IGSF5: variants seen among roughly 807,000 people sequenced by gnomAD.
The protein encoded by IGSF5 is immunoglobulin superfamily 5 like.
A neutral mutation model predicts 39.4 loss-of-function variants in IGSF5; 41 were observed. The observed-to-expected ratio is 1.04, with a 90% confidence interval of 0.81 to 1.35. The LOEUF (loss-of-function observed/expected upper bound fraction) is 1.35. IGSF5 is among the 40% of genes most tolerant of loss of function. IGSF5 has a pLI of 0.00. For missense variants in IGSF5, 487 were observed against 494.6 expected, an observed-to-expected ratio of 0.98 and a Z score of 0.15; for synonymous variants, 183 against 175.3, an observed-to-expected ratio of 1.04 and a Z score of -0.34.
the IGSF5 span, among the ~76,000 whole-genome samples, chr21:39,713,021 CA>C: frequency 1.3e-5 from 2 of 152,180 alleles, no homozygotes; most frequent in Non-Finnish European, 2.9e-5. Context: ...CCTGAATTAT[CA>C]GGGGCTGTAG....
upstream of IGSF5, among the ~76,000 whole-genome samples, chr21:39,742,541 G>T (rs1450614231): frequency 3.3e-5 from 5 of 152,232 alleles, no homozygotes; most frequent in African/African-American, 1.2e-4. Context: ...GGATCATCTG[G>T]TTAGTGTCTT....
the IGSF5 span, among the ~76,000 whole-genome samples, chr21:39,718,904 A>G: frequency 6.6e-6 from 1 of 151,980 alleles, no homozygotes; most frequent in Admixed American, 6.6e-5. Context: ...AATTTTTTGG[A>G]ATAGTTTCTG....
At chr21:39,749,213 GTTTTT>G (rs35333249) in intron 2 of IGSF5, among the ~76,000 whole-genome samples, 1 of 139,042 alleles carries the variant, frequency 7.2e-6, no homozygotes, top group Non-Finnish European at 1.5e-5. Context: ...AGACAAATAG[GTTTTT>G]TTTTTTTTTT....
chr21:39,765,374 A>C (rs895572869), intron 2 of IGSF5, among the ~76,000 whole-genome samples, 161 bp from the exon 3 acceptor site: 1 of 152,162 alleles, frequency 6.6e-6, no homozygotes, highest in Non-Finnish European at 1.5e-5. Context: ...GAAGCACCTG[A>C]TCTGCCAGGG....
intron 4 of IGSF5, among the ~76,000 whole-genome samples, chr21:39,774,107 T>C (rs80224785): frequency 0.086 from 13,161 of 152,232 alleles, 620 homozygotes; most frequent in East Asian, 0.16. Context: ...CTTTATTGGA[T>C]TCATTTGGAA....
intron 8 of IGSF5, among the ~76,000 whole-genome samples, chr21:39,798,359 A>T (rs780491074): frequency 6.6e-6 from 1 of 152,106 alleles, no homozygotes; most frequent in East Asian, 1.9e-4. Context: ...GTGCTTGCCC[A>T]CCTGGAGTGG....
intron 4 of IGSF5, 96 bp downstream of exon 4, chr21:39,771,311 C>A: frequency 8.4e-7 from 1 of 1,193,618 alleles, no homozygotes; most frequent in Non-Finnish European, 1.1e-6. Context: ...CTGGAAAAAT[C>A]ATATGGCGAC....
At chr21:39,732,748 G>A in the IGSF5 span, among the ~76,000 whole-genome samples, 3,016 of 152,254 alleles carry the variant, frequency 0.02, 93 homozygotes, top group African/African-American at 0.068. Flanking sequence ...ATTCCAAGCC[G>A]GGAGTGGTGG....
In IGSF5 at chr21:39,788,163, G is replaced by A; in HGVS notation, c.935-4G>A. 6.3e-7 allele frequency: 1 copy of A among 1,588,740 alleles called. No homozygotes were observed. The highest frequency in any genetic ancestry group is 8.6e-7 in the Non-Finnish European group (1 of 1,162,878). On this transcript the variant is annotated splice_region_variant and splice_polypyrimidine_tract_variant and intron_variant, in intron 5 of 8. Transcript: ENST00000380588. ...TTCCAATGTAATTTTGTTCTTTTTT[G>A]CAGGATTTCGTATTCAATTTCAAAA...
At chr21:39,767,823 T>G (rs994139723) in intron 3 of IGSF5, among the ~76,000 whole-genome samples, 2 of 152,092 alleles carry the variant, frequency 1.3e-5, no homozygotes, top group Non-Finnish European at 2.9e-5. Flanking sequence ...ACAGAGTCAA[T>G]AAAGCCTTCA....
the IGSF5 span, among the ~76,000 whole-genome samples, chr21:39,735,041 T>G: frequency 6.6e-6 from 1 of 151,990 alleles, no homozygotes; most frequent in African/African-American, 2.4e-5. Context: ...TTTTTGTATT[T>G]TTAGTAGAGA....
chr21:39,765,941 A>G, intron 3 of IGSF5, 89 bp downstream of exon 3: 1 of 1,203,684 alleles, frequency 8.3e-7, no homozygotes, highest in South Asian at 1.4e-5. Context: ...GTATGATGGC[A>G]GACGTGGTCT....
chr21:39,738,645 C>T, the IGSF5 span, among the ~76,000 whole-genome samples: 12 of 152,040 alleles, frequency 7.9e-5, no homozygotes, highest in Admixed American at 3.9e-4. The surrounding 1 kb of genome is among the most constrained non-coding windows in gnomAD (Gnocchi z 6.4). Flanking sequence ...CAATACACTG[C>T]GGAGAGGTGA....
chr21:39,713,078 C>T, the IGSF5 span, among the ~76,000 whole-genome samples: 1 of 152,160 alleles, frequency 6.6e-6, no homozygotes, highest in African/African-American at 2.4e-5. Flanking sequence ...GCAAGTTTAC[C>T]CATCTGCCAT....
chr21:39,721,431 G>A, the IGSF5 span, among the ~76,000 whole-genome samples: 56 of 152,256 alleles, frequency 3.7e-4, no homozygotes, highest in South Asian at 8.1e-3. Context: ...GCTGGAACTC[G>A]GCACCAGTGC....
At chr21:39,785,011 G>T (rs1438826099) in intron 5 of IGSF5, among the ~76,000 whole-genome samples, 2 of 149,270 alleles carry the variant, frequency 1.3e-5, no homozygotes, top group Admixed American at 6.8e-5. Flanking sequence ...TATTTATTTA[G>T]CTATCAGAAA....
At chr21:39,800,815 T>G (rs757253990) in intron 8 of IGSF5, among the ~76,000 whole-genome samples, 7 of 152,224 alleles carry the variant, frequency 4.6e-5, no homozygotes, top group South Asian at 2.1e-4. Context: ...CAGGGAAGAC[T>G]ATGTTTCTCC....
chr21:39,792,214 T>G (rs1035741200), intron 7 of IGSF5, 115 bp downstream of exon 7: 4 of 628,912 alleles, frequency 6.4e-6, no homozygotes, highest in Non-Finnish European at 8.4e-6. Context: ...TGGTTATTAT[T>G]TTTTGGATAA....
At chr21:39,741,812 T>C (rs1442297866), upstream of IGSF5, among the ~76,000 whole-genome samples, 3 of 152,076 alleles carry the variant, frequency 2.0e-5, no homozygotes, top group Non-Finnish European at 4.4e-5. Context: ...CTTCCTCTGG[T>C]ATTTGGGAAA....
Sources: allele counts gnomAD v4.1 joint callset (sites outside exome capture counted in the v4.1 genomes callset), GRCh38; gene constraint gnomAD v4.1.1; non-coding constraint Gnocchi (gnomAD v3.1); transcripts MANE v1.5; gene names NCBI Gene and HGNC (gene_info 2026-07-23, HGNC 2026-07-21).